The following ESRRB variants were observed in gnomAD, a reference collection of about 807,000 sequenced individuals.
The protein encoded by ESRRB is estrogen related receptor beta.
In ESRRB, 16 loss-of-function variants were observed where a neutral mutation model predicts 46.0. The observed-to-expected ratio is 0.35, with a 90% CI of 0.24 to 0.53. ESRRB has a LOEUF of 0.53. Ranked by LOEUF, ESRRB falls within the 20% of genes least tolerant of loss-of-function variation. ESRRB has a pLI of 0.93. For missense variants in ESRRB, 488 were observed against 607.4 expected, an observed-to-expected ratio of 0.80 and a Z score of 2.07; for synonymous variants, 246 against 259.6, an observed-to-expected ratio of 0.95 and a Z score of 0.50.
chr14:76,399,967 T>C (rs1885868838), intron 1 of ESRRB, among the ~76,000 whole-genome samples: 1 of 152,168 alleles, frequency 6.6e-6, no homozygotes, highest in Non-Finnish European at 1.5e-5. Context: ...CAGTCCCTGA[T>C]CCATGCGGAA....
chr14:76,332,048 A>G (rs940384963), intron 1 of ESRRB, among the ~76,000 whole-genome samples: 2 of 151,824 alleles, frequency 1.3e-5, no homozygotes, highest in Non-Finnish European at 2.9e-5. Flanking sequence ...TCATTTTACA[A>G]CAGCCTTTCA....
At chr14:76,437,295 G>A (rs997665156) in intron 1 of ESRRB, among the ~76,000 whole-genome samples, 2 of 152,164 alleles carry the variant, frequency 1.3e-5, no homozygotes, top group African/African-American at 4.8e-5. Flanking sequence ...GCCTCCCAAA[G>A]TTCTGGGATT....
rs980487605 is a variant in ESRRB, at chr14:76,500,495, G to A, written c.*2037G>A. 1.7e-5 allele frequency: 11 copies of A among 632,526 alleles called. No individual in the cohort carries two copies. The East Asian group carries it at 2.5e-4, about 14-fold the overall frequency. 39.2% of individuals were successfully genotyped at this position (632,526 alleles called of 1,614,324 possible). On this transcript the variant is annotated 3_prime_UTR_variant, in exon 7 of 7. Transcript: ENST00000644823. ...GTCTAGCACAGTGTTTAGAGGCTCT[G>A]CCCTGAGGTTCTGCTCCGGAGAAAC...
chr14:76,327,277 G>T (rs1331651121), intron 1 of ESRRB, among the ~76,000 whole-genome samples: 1 of 152,200 alleles, frequency 6.6e-6, no homozygotes, highest in Non-Finnish European at 1.5e-5. Context: ...CTACCTCCTG[G>T]GGCTTGGCCA....
chr14:76,419,984 C>G (rs1369225972), intron 1 of ESRRB, among the ~76,000 whole-genome samples: 1 of 152,180 alleles, frequency 6.6e-6, no homozygotes, highest in African/African-American at 2.4e-5. Flanking sequence ...AGGGGTCTGA[C>G]TCACGGGGCA....
At chr14:76,312,065 T>C (rs1465122614) in intron 1 of ESRRB, among the ~76,000 whole-genome samples, 4 of 150,176 alleles carry the variant, frequency 2.7e-5, no homozygotes, top group African/African-American at 9.7e-5. Context: ...CATGAGTTTC[T>C]ATTTATCCAA....
chr14:76,476,816 A>G (rs1322182721), intron 3 of ESRRB, among the ~76,000 whole-genome samples: 1 of 152,212 alleles, frequency 6.6e-6, no homozygotes, highest in Non-Finnish European at 1.5e-5. Context: ...GGTCGTTGCC[A>G]CACCTGTAGG....
At chr14:76,385,154 A>AT (rs1162798533) in intron 1 of ESRRB, among the ~76,000 whole-genome samples, 1 of 143,486 alleles carries the variant, frequency 7.0e-6, no homozygotes, top group Non-Finnish European at 1.5e-5. Flanking sequence ...AGCTGTCTGT[A>AT]TTTTTTTTCC....
Position 76,347,828 on chromosome 14 carries a change from A to G in ESRRB, c.2+36912A>G, listed in dbSNP as rs1277846688. Among the ~76,000 whole-genome samples, 2 of 33,714 alleles carry G rather than the reference A, an allele frequency of 5.9e-5. 1 individual carries two copies. The highest frequency in any genetic ancestry group is 1.4e-4 in the Non-Finnish European group (2 of 14,238). 22.1% of individuals were successfully genotyped at this position (33,714 alleles called of 152,430 possible). Reference sequence around the variant, plus strand: ...CACTGAGTCACCAACCAGTCAGATCACCAATGGGCAGCAGCCACTTCCTTT... The same window carrying G: ...CACTGAGTCACCAACCAGTCAGATCGCCAATGGGCAGCAGCCACTTCCTTT... On this transcript the variant is annotated intron_variant, in intron 1 of 6. Transcript: ENST00000512784.
At chr14:76,394,071 T>C (rs1458626183) in intron 1 of ESRRB, among the ~76,000 whole-genome samples, 1 of 150,402 alleles carries the variant, frequency 6.6e-6, no homozygotes, top group African/African-American at 2.4e-5. Flanking sequence ...AAAATGCTGG[T>C]ATTACAGGCG....
chr14:76,410,024 G>T (rs1232166014), intron 1 of ESRRB, among the ~76,000 whole-genome samples: 1 of 152,120 alleles, frequency 6.6e-6, no homozygotes, highest in Non-Finnish European at 1.5e-5. Flanking sequence ...AGGAGTTTGA[G>T]ACCACCCTGG....
intron 1 of ESRRB, chr14:76,404,533 T>C (rs776486146): frequency 6.6e-6 from 1 of 152,530 alleles, no homozygotes; most frequent in African/African-American, 2.4e-5. Flanking sequence ...GTCCTAGAAT[T>C]TACACCTTCA....
In ESRRB at chr14:76,500,382, T is replaced by C; in HGVS notation, c.*1924T>C. The stretch of plus-strand genomic sequence containing the variant: ...AGGATGCTGCGGCCCTAGCCCTCCA[T>C]GCAGCCCATCTTCCCTCATTTGGGT... On this transcript the variant is annotated 3_prime_UTR_variant, in exon 7 of 7. Transcript: ENST00000644823. 1 of 585,396 alleles carries C rather than the reference T, an allele frequency of 1.7e-6. No individual in the cohort carries two copies. Among genetic ancestry groups the C allele is most frequent in the Non-Finnish European group, 3.0e-6 (1 of 329,716 alleles). 36.3% of individuals were successfully genotyped at this position (585,396 alleles called of 1,614,324 possible).
chr14:76,367,551 T>A (rs77270967), upstream of ESRRB, among the ~76,000 whole-genome samples: 5,929 of 145,884 alleles, frequency 0.041, 171 homozygotes, highest in East Asian at 0.12. Flanking sequence ...GGGGCGATCC[T>A]GTCTCAAAAA....
chr14:76,422,886 T>C (rs751310289), intron 1 of ESRRB, among the ~76,000 whole-genome samples: 1 of 152,146 alleles, frequency 6.6e-6, no homozygotes, highest in Non-Finnish European at 1.5e-5. Context: ...CCGTGAAACA[T>C]TTTTGTTTAC....
At chr14:76,365,124 A>C (rs1449604304) in intron 1 of ESRRB, among the ~76,000 whole-genome samples, 1 of 152,242 alleles carries the variant, frequency 6.6e-6, no homozygotes, top group African/African-American at 2.4e-5. Context: ...GCAAATAAAA[A>C]TGCCAAGTGG....
chr14:76,408,591 C>CAAAAAAAAAAAAAAA (rs35955826), intron 1 of ESRRB, among the ~76,000 whole-genome samples: 5 of 42,152 alleles, frequency 1.2e-4, no homozygotes, highest in African/African-American at 5.3e-4. Flanking sequence ...GACCCTGTCT[C>CAAAAAAAAAAAAAAA]AAAAAAAAAA....
At chr14:76,454,291 G>A (rs550112705) in intron 2 of ESRRB, among the ~76,000 whole-genome samples, 4 of 152,232 alleles carry the variant, frequency 2.6e-5, no homozygotes, top group African/African-American at 7.2e-5. Flanking sequence ...GATATTAATC[G>A]ATTTCCAGGA....
chr14:76,474,939 A>G (rs368044004), intron 3 of ESRRB, among the ~76,000 whole-genome samples: 8 of 151,974 alleles, frequency 5.3e-5, no homozygotes, highest in African/African-American at 1.9e-4. Flanking sequence ...AAAAAAAAGA[A>G]AGGAGGGGGC....
Sources: gnomAD v4.1 joint callset for allele counts (sites outside exome capture counted in the v4.1 genomes callset) on GRCh38, gnomAD v4.1.1 for gene constraint, MANE v1.5 for transcripts, NCBI Gene and HGNC (gene_info 2026-07-23, HGNC 2026-07-21) for gene names.